CHD7: variants seen among roughly 807,000 people sequenced by gnomAD.
The protein encoded by CHD7 is chromodomain helicase DNA binding protein 7, also known as ATP-dependent chromatin remodeler CHD7.
Under a neutral mutation model 307.3 loss-of-function variants are expected in CHD7, and 24 were observed. The ratio of observed to expected loss-of-function variants is 0.08; its 90% confidence interval spans 0.06 to 0.11. The LOEUF (loss-of-function observed/expected upper bound fraction) is 0.11, where lower values mean the gene tolerates loss of function less well. Among genes scored for constraint, CHD7 ranks in the 10% least tolerant of loss-of-function variants. CHD7 has a pLI of 1.00. For synonymous variants in CHD7, 1,363 were observed against 1,349.9 expected (o/e 1.01, Z -0.21); for missense variants, 3,106 against 3,727.1 (o/e 0.83, Z 4.34).
intron 15 of CHD7, among the ~76,000 whole-genome samples, chr8:60,835,653 C>T (rs1255602252): frequency 6.6e-6 from 1 of 152,048 alleles, no homozygotes; most frequent in Admixed American, 6.5e-5. Context: ...TTTGTTTTTT[C>T]ATTTCGGAAC....
At chr8:60,691,126 A>G (rs993572748) in intron 1 of CHD7, among the ~76,000 whole-genome samples, 20 of 152,134 alleles carry the variant, frequency 1.3e-4, no homozygotes, top group African/African-American at 4.8e-4. Context: ...GGGTTTCGCC[A>G]TGTTGGCCAG....
rs1804100268 is a variant in CHD7 at position 60,822,677 on chromosome 8, T to C, written c.3132T>C (p.Val1044=). ...GAACCTGGACAGAGTTGAACGTGGT[T>C]GTGTATCATGGGAGTCAAGCTAGTC... is the stretch of plus-strand genomic sequence containing the variant. ...EFRTWTELNV[V]VYHGSQASRR... is the part of the protein sequence containing the mutation. The change falls in exon 12 of 38, where the codon GTT becomes GTC. Residue 1044 remains valine, a synonymous_variant. Coordinates refer to ENST00000423902, the MANE Select transcript of CHD7 (RefSeq NM_017780.4). The C allele has an allele frequency of 3.1e-6, 5 of 1,613,828 alleles. No homozygotes were observed. Among genetic ancestry groups the C allele is most frequent in the Non-Finnish European group, 3.4e-6 (4 of 1,179,758 alleles).
chr8:60,851,976 G>A (rs1805473834), intron 28 of CHD7, 43 bp from the exon 29 acceptor site: 1 of 1,383,134 alleles, frequency 7.2e-7, no homozygotes, highest in South Asian at 1.3e-5. Flanking sequence ...TGTATTGCAA[G>A]ATTGCAGCTA....
chr8:60,810,746 CA>C (rs1746812872), intron 7 of CHD7, among the ~76,000 whole-genome samples: 2 of 152,064 alleles, frequency 1.3e-5, no homozygotes, highest in African/African-American at 2.4e-5. Flanking sequence ...AAACTTTATC[CA>C]AAATGTCCTT....
chr8:60,737,191 G>C (rs564665181), intron 1 of CHD7, among the ~76,000 whole-genome samples: 21 of 151,990 alleles, frequency 1.4e-4, no homozygotes, highest in Non-Finnish European at 2.5e-4. Context: ...TTTACCAATA[G>C]CTCCAATTTG....
At chr8:60,842,183 G>T (rs1265474532) in intron 21 of CHD7, 131 bp downstream of exon 21, 9 of 742,164 alleles carry the variant, frequency 1.2e-5, no homozygotes, top group Non-Finnish European at 1.9e-5. Flanking sequence ...GAATGCTTCT[G>T]CAGTAACTTT....
intron 1 of CHD7, among the ~76,000 whole-genome samples, chr8:60,689,038 A>G (rs917153087): frequency 6.6e-6 from 1 of 152,186 alleles, no homozygotes; most frequent in African/African-American, 2.4e-5. Flanking sequence ...AGGAGAGGGA[A>G]GGCTCTGGGG....
chr8:60,791,174 G>T (rs1811754791), intron 3 of CHD7, among the ~76,000 whole-genome samples: 1 of 152,124 alleles, frequency 6.6e-6, no homozygotes, highest in Non-Finnish European at 1.5e-5. Context: ...ATGTTTTGGT[G>T]GCATTACCAT....
chr8:60,693,885 G>C (rs1806324773), intron 1 of CHD7, among the ~76,000 whole-genome samples: 1 of 152,382 alleles, frequency 6.6e-6, no homozygotes, highest in Non-Finnish European at 1.5e-5. Flanking sequence ...ATGGGGAACT[G>C]TCCTGTAGAG....
chr8:60,753,971 A>T (rs554701268), intron 2 of CHD7, among the ~76,000 whole-genome samples: 1 of 152,192 alleles, frequency 6.6e-6, no homozygotes, highest in African/African-American at 2.4e-5. Flanking sequence ...TCAAAGAGCC[A>T]TGTTAGATGC....
chr8:60,761,544 CAG>C (rs766170868), intron 2 of CHD7, among the ~76,000 whole-genome samples: 3 of 151,762 alleles, frequency 2.0e-5, no homozygotes, highest in East Asian at 3.9e-4. Flanking sequence ...TTTCTGCTCT[CAG>C]GGTACATGGG....
At chr8:60,745,803 G>A (rs6471898) in intron 2 of CHD7, among the ~76,000 whole-genome samples, 112,963 of 151,990 alleles carry the variant, frequency 0.74, 42,462 homozygotes, top group East Asian at 0.93. Flanking sequence ...CTTAGGCAAA[G>A]GATTTAACTT....
At chr8:60,858,616 G>A (rs556496395) in intron 34 of CHD7, among the ~76,000 whole-genome samples, 4 of 152,124 alleles carry the variant, frequency 2.6e-5, no homozygotes, top group African/African-American at 9.7e-5. Context: ...TTGAAACAGG[G>A]TTTGTTTTTG....
At chr8:60,770,485 CTGTTTCATG>C (rs1810655327) in intron 2 of CHD7, among the ~76,000 whole-genome samples, 1 of 152,158 alleles carries the variant, frequency 6.6e-6, no homozygotes, top group Non-Finnish European at 1.5e-5. Context: ...TTGGTGTCTT[CTGTTTCATG>C]TGTAGTTCCA....
chr8:60,691,563 TAA>T (rs1279190619), intron 1 of CHD7, among the ~76,000 whole-genome samples: 17 of 152,174 alleles, frequency 1.1e-4, no homozygotes, highest in Admixed American at 1.1e-3. Context: ...GCAGAAAAAG[TAA>T]AGTCGTAGTT....
chr8:60,713,664 G>T (rs1209115716), intron 1 of CHD7, among the ~76,000 whole-genome samples: 4 of 152,114 alleles, frequency 2.6e-5, no homozygotes, highest in African/African-American at 9.7e-5. Context: ...TTGTTTGGAG[G>T]CCAGAGGTTT....
intron 5 of CHD7, among the ~76,000 whole-genome samples, chr8:60,801,221 A>T (rs1812295751): frequency 6.6e-6 from 1 of 152,168 alleles, no homozygotes; most frequent in African/African-American, 2.4e-5. Context: ...TATATTTTTG[A>T]CTGCTAACGT....
chr8:60,853,662 C>T (rs1805579933), intron 31 of CHD7, among the ~76,000 whole-genome samples, 162 bp downstream of exon 31: 1 of 152,182 alleles, frequency 6.6e-6, no homozygotes. Context: ...GTGTTTTGCT[C>T]TCGCACCTTA....
intron 1 of CHD7, among the ~76,000 whole-genome samples, chr8:60,731,133 A>G (rs1808433994): frequency 6.6e-6 from 1 of 152,220 alleles, no homozygotes; most frequent in Admixed American, 6.5e-5. Context: ...ATGGCCCCAG[A>G]GTGCAAGAGT....
Sources: allele counts gnomAD v4.1 joint callset (sites outside exome capture counted in the v4.1 genomes callset), GRCh38; gene constraint gnomAD v4.1.1; transcripts MANE v1.5; gene names NCBI Gene and HGNC (gene_info 2026-07-23, HGNC 2026-07-21).